Variants in TMPRSS11A observed in about 807,000 individuals in gnomAD.
TMPRSS11A encodes transmembrane protease serine 11A.
A neutral mutation model predicts 58.9 loss-of-function variants in TMPRSS11A; 53 were observed. The ratio of observed to expected loss-of-function variants is 0.90; its 90% CI spans 0.72 to 1.13. The LOEUF (loss-of-function observed/expected upper bound fraction) is 1.13. Ranked by LOEUF, TMPRSS11A falls within the 50% of genes most tolerant of loss-of-function variation. TMPRSS11A has a pLI of 0.00. For synonymous variants in TMPRSS11A, 167 were observed against 169.8 expected (o/e 0.98, Z 0.13); for missense variants, 493 against 499.3 (o/e 0.99, Z 0.12).
intron 1 of TMPRSS11A, among the ~76,000 whole-genome samples, chr4:67,961,482 C>CTT (rs1721418705): frequency 6.8e-5 from 7 of 102,454 alleles, no homozygotes; most frequent in African/African-American, 2.9e-4. Context: ...CTTTTCTTTT[C>CTT]CTTTTTTTTT....
In TMPRSS11A at chr4:67,932,813, C is replaced by T. The variant is rs140717177; in HGVS notation, c.253-753G>A. On this transcript the variant is annotated intron_variant, in intron 3 of 9. Transcript: ENST00000508048. ...AGGAAAAAAGAATTAGGTGGTATTC[C>T]AGTATTAGGTCAAATTTGTTACTCA... is the stretch of plus-strand genomic sequence containing the variant. Among the ~76,000 whole-genome samples the T allele has an allele frequency of 4.7e-3, 708 of 152,032 alleles. 3 individuals are homozygous for T. The highest frequency in any genetic ancestry group is 6.8e-3 in the Admixed American group (104 of 15,266).
At chr4:67,914,520 C>CATATAATA in intron 9 of TMPRSS11A, 68 bp downstream of exon 9, 1 of 1,430,226 alleles carries the variant, frequency 7.0e-7, no homozygotes, top group Non-Finnish European at 9.8e-7. Flanking sequence ...ATGTAAAGAA[C>CATATAATA]ATATAATATA....
At chr4:67,958,483 A>G (rs1031081687) in intron 1 of TMPRSS11A, among the ~76,000 whole-genome samples, 3 of 152,338 alleles carry the variant, frequency 2.0e-5, no homozygotes, top group Admixed American at 1.3e-4. Flanking sequence ...TCAGACTTGT[A>G]TGGGGCCTTT....
intron 3 of TMPRSS11A, among the ~76,000 whole-genome samples, chr4:67,933,548 T>C (rs1431043652): frequency 6.6e-6 from 1 of 152,200 alleles, no homozygotes; most frequent in Non-Finnish European, 1.5e-5. Flanking sequence ...AGATCAAAGA[T>C]AGCATTTGGA....
At chr4:67,956,893 G>A (rs1721303115) in intron 1 of TMPRSS11A, among the ~76,000 whole-genome samples, 2 of 152,166 alleles carry the variant, frequency 1.3e-5, no homozygotes, top group African/African-American at 2.4e-5. Flanking sequence ...CATATGTTGT[G>A]TTGTGGGAGA....
intron 8 of TMPRSS11A, among the ~76,000 whole-genome samples, chr4:67,917,757 C>T (rs1720198362): frequency 6.6e-6 from 1 of 152,080 alleles, no homozygotes; most frequent in African/African-American, 2.4e-5. Flanking sequence ...AGTGATTTTT[C>T]CCACCAAGCC....
At chr4:67,950,689 C>G (rs1030542169) in intron 1 of TMPRSS11A, among the ~76,000 whole-genome samples, 1 of 152,076 alleles carries the variant, frequency 6.6e-6, no homozygotes, top group African/African-American at 2.4e-5. Flanking sequence ...AAATCTACAG[C>G]CTTCAAAGAA....
intron 3 of TMPRSS11A, among the ~76,000 whole-genome samples, chr4:67,942,043 A>T (rs1052264171): frequency 6.6e-6 from 1 of 152,234 alleles, no homozygotes; most frequent in Non-Finnish European, 1.5e-5. Context: ...AAGCAAGTTT[A>T]ACAGAAAAAT....
rs188445782 is a variant in TMPRSS11A, at chr4:67,937,534, T to C, written c.253-5474A>G. On this transcript the variant is annotated intron_variant, in intron 3 of 9. Transcript: ENST00000508048. ...CTTCTGTCTTAGCTGAGTCCCTTCC[T>C]GACAGTAGAACAATTTAGTGGAAAG... Among the ~76,000 whole-genome samples, 30 of 152,318 alleles carry C rather than the reference T, an allele frequency of 2.0e-4. 1 individual carries two copies. The East Asian group carries it at 5.6e-3, about 28-fold the overall frequency.
chr4:67,963,474 G>GTCA lies in TMPRSS11A; in HGVS notation c.-82_-81insTGA. The GTCA allele has an allele frequency of 1.4e-6, 2 of 1,460,590 alleles. No individual in the cohort carries two copies. Among genetic ancestry groups the GTCA allele is most frequent in the Non-Finnish European group, 1.9e-6 (2 of 1,055,664 alleles). 90.5% of individuals were successfully genotyped at this position (1,460,590 alleles called of 1,614,324 possible). On this transcript the variant is annotated 5_prime_UTR_variant, in exon 1 of 10. In the 5' UTR this introduces an upstream ATG that the reference lacks. Coordinates refer to ENST00000508048, the MANE Select transcript of TMPRSS11A (RefSeq NM_001114387.2). ...AATCAACTATATGACATCTCTAGAT[G>GTCA]TATTAGAAGTCTACGGCTCAAAGAA...
intron 7 of TMPRSS11A, among the ~76,000 whole-genome samples, chr4:67,920,551 T>TATATATA (rs58054364): frequency 2.5e-5 from 2 of 80,076 alleles, no homozygotes; most frequent in East Asian, 5.3e-4. Context: ...ATATATATAT[T>TATATATA]TTTTTTTATA....
intron 8 of TMPRSS11A, among the ~76,000 whole-genome samples, chr4:67,916,837 T>C (rs1720168064): frequency 6.6e-6 from 1 of 151,710 alleles, no homozygotes; most frequent in Non-Finnish European, 1.5e-5. Context: ...AAAATAAAAA[T>C]AAAAATAAAA....
At chr4:67,913,331 G>T (rs1186497953) in intron 9 of TMPRSS11A, among the ~76,000 whole-genome samples, 1 of 152,182 alleles carries the variant, frequency 6.6e-6, no homozygotes, top group Non-Finnish European at 1.5e-5. Flanking sequence ...GGTGGTGCTT[G>T]CACTTCTGTT....
chr4:67,940,780 T>G (rs895910057), intron 3 of TMPRSS11A, among the ~76,000 whole-genome samples: 3 of 152,208 alleles, frequency 2.0e-5, no homozygotes, highest in African/African-American at 7.2e-5. Context: ...TGCCACCATT[T>G]TTTGAACATG....
chr4:67,944,179 A>G (rs191116205), intron 3 of TMPRSS11A, among the ~76,000 whole-genome samples: 17 of 152,282 alleles, frequency 1.1e-4, no homozygotes, highest in African/African-American at 4.1e-4. Context: ...TTTTGATATG[A>G]TTAGGCTTTT....
At chr4:67,928,761 ATCTGGTTT>A (rs1245100081) in intron 5 of TMPRSS11A, among the ~76,000 whole-genome samples, 78 of 152,264 alleles carry the variant, frequency 5.1e-4, no homozygotes, top group African/African-American at 1.8e-3. Context: ...TTACTTCCTT[ATCTGGTTT>A]CCTCTTGAAG....
chr4:67,942,913 A>G (rs774467945), intron 3 of TMPRSS11A, among the ~76,000 whole-genome samples: 11 of 152,222 alleles, frequency 7.2e-5, no homozygotes, highest in African/African-American at 7.2e-5. Context: ...GAGATGAAAC[A>G]AAAGTGATTT....
chr4:67,914,118 T>C (rs138715604), intron 9 of TMPRSS11A, among the ~76,000 whole-genome samples: 13 of 152,378 alleles, frequency 8.5e-5, no homozygotes, highest in Non-Finnish European at 1.3e-4. Flanking sequence ...TAATTTTGGC[T>C]ATGCTTTTTG....
intron 3 of TMPRSS11A, among the ~76,000 whole-genome samples, chr4:67,941,790 T>C (rs1202366669): frequency 1.3e-5 from 2 of 152,188 alleles, no homozygotes; most frequent in African/African-American, 4.8e-5. Context: ...ATAAGTAACA[T>C]AGTAAAATAT....
Sources: gnomAD v4.1 joint callset for allele counts (sites outside exome capture counted in the v4.1 genomes callset) on GRCh38, gnomAD v4.1.1 for gene constraint, MANE v1.5 for transcripts, NCBI Gene and HGNC (gene_info 2026-07-23, HGNC 2026-07-21) for gene names.